FMN1: variants seen among roughly 807,000 people sequenced by gnomAD.
FMN1 encodes the protein formin 1.
In FMN1, 110 loss-of-function variants were observed where a neutral mutation model predicts 132.4. That is an observed-to-expected ratio of 0.83 (90% CI 0.71 to 0.97). The LOEUF (loss-of-function observed/expected upper bound fraction) is 0.97. Among genes scored for constraint, FMN1 ranks in the 50% least tolerant of loss-of-function variants. The pLI is 0.00. For missense variants in FMN1, 1,792 were observed against 1,705.3 expected (o/e 1.05, Z -0.90); for synonymous variants, 722 against 651.7 (o/e 1.11, Z -1.64).
intron 15 of FMN1, among the ~76,000 whole-genome samples, chr15:32,894,615 G>A (rs1026799216): frequency 6.6e-6 from 1 of 151,838 alleles, no homozygotes; most frequent in Admixed American, 6.6e-5. Flanking sequence ...TTCAAACAAA[G>A]TACTTCTCAG....
intron 9 of FMN1, among the ~76,000 whole-genome samples, chr15:32,951,861 A>G (rs1006287704): frequency 8.5e-5 from 13 of 152,152 alleles, no homozygotes; most frequent in Non-Finnish European, 5.9e-5. Flanking sequence ...CTGCCCTACC[A>G]CACTACCACC....
rs750143201 is a variant in FMN1 at position 32,969,176 on chromosome 15, G to C, written c.2525C>G (p.Ser842Ter). The C allele has an allele frequency of 1.4e-5, 23 of 1,613,978 alleles. No homozygotes were observed. The highest frequency in any genetic ancestry group is 1.9e-5 in the Non-Finnish European group (23 of 1,179,890). The stretch of plus-strand genomic sequence containing the variant: ...GATGTCTTTGTGGTCATTTGGGGGT[G>C]AGAGCTGGCTTAAAGAGGAGATATT... The part of the protein sequence containing the change: ...KLNISSLSQL[S>*]PPNDHKDIHA... The change falls in exon 8 of 21, where the codon TCA becomes TGA. Residue 842 changes from serine to a stop codon, truncating the protein, a stop_gained. Coordinates refer to ENST00000616417, the MANE Select transcript of FMN1 (RefSeq NM_001277313.2). LOFTEE classifies it high-confidence loss of function.
chr15:33,116,577 G>GT (rs370688329), intron 4 of FMN1, among the ~76,000 whole-genome samples: 56 of 149,334 alleles, frequency 3.7e-4, no homozygotes, highest in East Asian at 2.4e-3. Flanking sequence ...TTTGTCGAAA[G>GT]TTTTTTTTTT....
chr15:32,959,912 C>T (rs1304801122), intron 9 of FMN1, among the ~76,000 whole-genome samples: 1 of 152,136 alleles, frequency 6.6e-6, no homozygotes, highest in Admixed American at 6.5e-5. Context: ...TTAATACGAT[C>T]CTGCATAAGA....
intron 5 of FMN1, among the ~76,000 whole-genome samples, chr15:33,066,261 C>A (rs974713043): frequency 5.9e-5 from 9 of 152,194 alleles, no homozygotes; most frequent in Admixed American, 3.3e-4. Context: ...TTCACGGTGA[C>A]AGTTACCCTT....
chr15:32,900,344 C>T, intron 13 of FMN1: 1 of 692,138 alleles, frequency 1.4e-6, no homozygotes, highest in Admixed American at 2.0e-5. Context: ...TAATTATAAA[C>T]AGTGCATGTT....
At chr15:33,064,846 T>A in intron 6 of FMN1, 111 bp downstream of exon 6, 1 of 724,874 alleles carries the variant, frequency 1.4e-6, no homozygotes, top group South Asian at 1.9e-5. Context: ...CCTTCAGCAT[T>A]ACATTTTATA....
chr15:33,045,613 G>A (rs7175007), intron 6 of FMN1, among the ~76,000 whole-genome samples: 20,574 of 152,148 alleles, frequency 0.14, 1,586 homozygotes, highest in Middle Eastern at 0.23. Context: ...TTTGGAAGCC[G>A]TGACAGAAAC....
intron 2 of FMN1, among the ~76,000 whole-genome samples, chr15:33,185,206 T>G (rs1965838366): frequency 1.3e-5 from 2 of 152,218 alleles, no homozygotes; most frequent in African/African-American, 4.8e-5. Context: ...AACAGTTGCA[T>G]AGTCGTAATG....
intron 4 of FMN1, among the ~76,000 whole-genome samples, chr15:33,127,610 A>C (rs963495283): frequency 6.7e-6 from 1 of 150,324 alleles, no homozygotes; most frequent in African/African-American, 2.4e-5. Context: ...ACCAAGACAG[A>C]AGTTAAAACA....
At chr15:32,957,562 A>G (rs1161455991) in intron 9 of FMN1, among the ~76,000 whole-genome samples, 1 of 152,046 alleles carries the variant, frequency 6.6e-6, no homozygotes, top group East Asian at 1.9e-4. Flanking sequence ...GAATATCAAC[A>G]AACAAGAATA....
chr15:32,838,512 G>A (rs1023152680), intron 17 of FMN1, among the ~76,000 whole-genome samples: 1 of 152,184 alleles, frequency 6.6e-6, no homozygotes, highest in East Asian at 1.9e-4. Context: ...CAGCAGCCGT[G>A]GGGTTACGAG....
intron 7 of FMN1, among the ~76,000 whole-genome samples, chr15:32,977,730 A>C (rs1020062769): frequency 3.9e-5 from 6 of 152,226 alleles, no homozygotes; most frequent in Admixed American, 3.9e-4. Flanking sequence ...TAAGAGCTTA[A>C]AGCATGGTAT....
chr15:33,036,985 C>T (rs1285366188), intron 6 of FMN1, among the ~76,000 whole-genome samples: 2 of 152,248 alleles, frequency 1.3e-5, no homozygotes, highest in East Asian at 3.8e-4. Flanking sequence ...ATCCACCCTT[C>T]TAAGACACTT....
At chr15:32,929,053 C>T (rs553270804) in intron 9 of FMN1, among the ~76,000 whole-genome samples, 334 of 152,272 alleles carry the variant, frequency 2.2e-3, no homozygotes, top group Non-Finnish European at 3.5e-3. Flanking sequence ...GGAATTTTGT[C>T]GAATGACTTG....
chr15:33,181,707 C>CTTTTTTTTTTTTTTTTTT (rs753993602), intron 2 of FMN1, among the ~76,000 whole-genome samples: 5 of 126,218 alleles, frequency 4.0e-5, no homozygotes, highest in South Asian at 2.5e-4. Context: ...TTTTTTCTTT[C>CTTTTTTTTTTTTTTTTTT]TTTTTTTTTT....
chr15:33,123,639 C>G (rs538906085), intron 4 of FMN1, among the ~76,000 whole-genome samples: 2 of 152,272 alleles, frequency 1.3e-5, no homozygotes, highest in South Asian at 2.1e-4. Context: ...AAACAGCTAG[C>G]TATTTTATAG....
At chr15:33,003,803 G>T (rs2034253810) in intron 7 of FMN1, among the ~76,000 whole-genome samples, 1 of 152,120 alleles carries the variant, frequency 6.6e-6, no homozygotes, top group African/African-American at 2.4e-5. Context: ...ACACTACAAG[G>T]CTACAGTAAC....
intron 16 of FMN1, among the ~76,000 whole-genome samples, chr15:32,861,304 T>C (rs1264725525): frequency 1.3e-5 from 2 of 152,224 alleles, no homozygotes; most frequent in Non-Finnish European, 2.9e-5. Flanking sequence ...AAGCAATACT[T>C]TCTCTTTTGC....
Sources: allele counts gnomAD v4.1 joint callset (sites outside exome capture counted in the v4.1 genomes callset), GRCh38; gene constraint gnomAD v4.1.1; transcripts MANE v1.5; gene names NCBI Gene and HGNC (gene_info 2026-07-23, HGNC 2026-07-21).